RNF175: variants seen among roughly 807,000 people sequenced by gnomAD.
The protein encoded by RNF175 is ring finger protein 175.
A neutral mutation model predicts 50.0 loss-of-function variants in RNF175; 38 were observed. The observed-to-expected ratio is 0.76, with a 90% CI of 0.59 to 1.00. The LOEUF is 1.00. RNF175 is among the 50% of genes least tolerant of loss of function. The pLI is 0.00. For missense variants in RNF175, 388 were observed against 409.6 expected, an observed-to-expected ratio of 0.95 and a Z score of 0.46; for synonymous variants, 155 against 146.1, an observed-to-expected ratio of 1.06 and a Z score of -0.44.
At chr4:153,720,555 G>A (rs1738274598) in intron 5 of RNF175, 3 of 383,306 alleles carry the variant, frequency 7.8e-6, no homozygotes, top group Non-Finnish European at 1.5e-5. Context: ...TAGGACTGCA[G>A]TGCCTAGACA....
At position 153,710,250 on chromosome 4, in the gene RNF175, A is replaced by G. The variant is rs907527636; in HGVS notation, c.*119T>C. 3.9e-6 allele frequency: 3 copies of G among 763,746 alleles called. No homozygotes were observed. In the African/African-American group the frequency reaches 5.2e-5, roughly 13 times the overall value. 47.3% of individuals were successfully genotyped at this position (763,746 alleles called of 1,614,324 possible). A position where few individuals can be genotyped will look rare whatever the true frequency, so the allele number is the denominator to read the frequency against. ...TTTCCACATGGACAAATTGCTTGAC[A>G]ACAAAGTTTACTTAGTTTTCTAAAC... On this transcript the variant is annotated 3_prime_UTR_variant, in exon 9 of 9. Coordinates refer to ENST00000347063, the MANE Select transcript of RNF175 (RefSeq NM_173662.4).
At chr4:153,722,351 G>A (rs1869947) in intron 5 of RNF175, among the ~76,000 whole-genome samples, 130,939 of 152,220 alleles carry the variant, frequency 0.86, 57,542 homozygotes, top group Non-Finnish European at 0.95. Context: ...GCTGTTTTAT[G>A]CCTTTACTTG....
rs1208052208 is a variant in RNF175 at position 153,752,784 on chromosome 4, A to AG, written c.67-1310dup. ...ATATGTGAGGGGCAAAAAACTAATAAGCATATGTAAAAAGGGTTTTTATAA... is the reference window on the plus strand; with the variant it reads ...ATATGTGAGGGGCAAAAAACTAATAAGGCATATGTAAAAAGGGTTTTTATAA... On this transcript the variant is annotated intron_variant, in intron 1 of 8. Transcript: ENST00000347063. Among the ~76,000 whole-genome samples the AG allele has an allele frequency of 2.0e-5, 3 of 152,336 alleles. No individual in the cohort carries two copies. The East Asian group carries it at 5.8e-4, about 29-fold the overall frequency.
intron 3 of RNF175, among the ~76,000 whole-genome samples, chr4:153,732,475 C>G (rs955424452): frequency 2.0e-5 from 3 of 152,142 alleles, no homozygotes; most frequent in Non-Finnish European, 2.9e-5. Flanking sequence ...TTTGAGCAGA[C>G]ACAATGCTTT....
At chr4:153,733,612 G>A (rs2606330) in intron 3 of RNF175, among the ~76,000 whole-genome samples, 148,760 of 152,240 alleles carry the variant, frequency 0.98, 72,783 homozygotes, top group East Asian at 1. Context: ...TAAAGAGGGG[G>A]CGATACTTTT....
intron 1 of RNF175, 50 bp from the exon 2 acceptor site, chr4:153,751,525 G>C: frequency 2.9e-6 from 4 of 1,392,908 alleles, no homozygotes; most frequent in Non-Finnish European, 3.9e-6. Context: ...TATTTTCTTG[G>C]TTTTTCTGTG....
At chr4:153,746,673 G>A (rs1739992341) in intron 3 of RNF175, among the ~76,000 whole-genome samples, 1 of 152,210 alleles carries the variant, frequency 6.6e-6, no homozygotes, top group South Asian at 2.1e-4. Context: ...TCTGGGACTT[G>A]GGGGCATCCC....
intron 3 of RNF175, among the ~76,000 whole-genome samples, chr4:153,739,098 T>C (rs540074542): frequency 7.4e-4 from 113 of 152,318 alleles, no homozygotes; most frequent in African/African-American, 2.7e-3. Context: ...CTATGTTTAC[T>C]TTGAACAATT....
At chr4:153,748,263 G>A (rs1203479935) in intron 3 of RNF175, 1 of 161,950 alleles carries the variant, frequency 6.2e-6, no homozygotes, top group Non-Finnish European at 1.3e-5. Flanking sequence ...GGCAGAAGTT[G>A]TTCATGCATG....
At chr4:153,744,104 C>A (rs1739834919) in intron 3 of RNF175, among the ~76,000 whole-genome samples, 1 of 152,166 alleles carries the variant, frequency 6.6e-6, no homozygotes, top group Non-Finnish European at 1.5e-5. Flanking sequence ...CAAGGATGGT[C>A]TTTGTGCATA....
intron 3 of RNF175, among the ~76,000 whole-genome samples, chr4:153,734,665 C>CTTTTTTTTTTTTTTTTTTTT (rs56211482): frequency 5.5e-5 from 4 of 73,182 alleles, no homozygotes; most frequent in African/African-American, 8.3e-5. Flanking sequence ...TTTTTTTATT[C>CTTTTTTTTTTTTTTTTTTTT]TTTTTTTTTT....
intron 4 of RNF175, among the ~76,000 whole-genome samples, chr4:153,724,871 T>C (rs1006943487): frequency 6.6e-6 from 1 of 150,916 alleles, no homozygotes; most frequent in Non-Finnish European, 1.5e-5. Flanking sequence ...CCACCAGGTG[T>C]GATCCTGCCC....
rs373499376 is a variant in RNF175 at position 153,715,533 on chromosome 4, G to A, written c.760C>T (p.His254Tyr). The A allele has an allele frequency of 5.7e-6, 9 of 1,590,780 alleles. No individual in the cohort carries two copies. The highest frequency in any genetic ancestry group is 6.8e-6 in the Non-Finnish European group (8 of 1,168,044). The change falls in exon 7 of 9, where the codon CAT (histidine) becomes TAT (tyrosine). Residue 254 changes from histidine (H) to tyrosine (Y), a missense_variant. Transcript: ENST00000347063. ...IENTYQLSCN[H>Y]VFHEFCIRGW... ...AATTTCCTTTGAAAAGGATACACATGATTACAGGAAAGCTGGTAGGTGTTT... is the reference window on the plus strand; with the variant it reads ...AATTTCCTTTGAAAAGGATACACATAATTACAGGAAAGCTGGTAGGTGTTT...
At chr4:153,756,667 C>T (rs1203982313) in intron 1 of RNF175, among the ~76,000 whole-genome samples, 3 of 152,198 alleles carry the variant, frequency 2.0e-5, no homozygotes, top group African/African-American at 7.2e-5. Context: ...GGGTTAAGAG[C>T]TGGCATTCAA....
At chr4:153,728,475 G>A in intron 3 of RNF175, 114 bp from the exon 4 acceptor site, 1 of 813,856 alleles carries the variant, frequency 1.2e-6, no homozygotes, top group Non-Finnish European at 2.0e-6. Flanking sequence ...CATCATGTCT[G>A]TACCATGCAA....
chr4:153,748,226 T>G (rs1352494868), intron 3 of RNF175, among the ~76,000 whole-genome samples: 2 of 152,232 alleles, frequency 1.3e-5, no homozygotes, highest in Non-Finnish European at 2.9e-5. Flanking sequence ...CTTTTGGCTA[T>G]TCTAATCCTC....
chr4:153,719,138 T>C (rs1346594682), intron 6 of RNF175, among the ~76,000 whole-genome samples: 1 of 152,072 alleles, frequency 6.6e-6, no homozygotes, highest in African/African-American at 2.4e-5. Context: ...CCAGTGTGTG[T>C]TGTTCCCCTC....
chr4:153,739,734 A>G (rs1739548083), intron 3 of RNF175, among the ~76,000 whole-genome samples: 1 of 151,702 alleles, frequency 6.6e-6, no homozygotes, highest in African/African-American at 2.4e-5. Context: ...TCTTGTTTGC[A>G]TAGTTTGTTT....
At chr4:153,735,441 A>G (rs182165673) in intron 3 of RNF175, among the ~76,000 whole-genome samples, 1 of 152,182 alleles carries the variant, frequency 6.6e-6, no homozygotes, top group African/African-American at 2.4e-5. Flanking sequence ...GCTTTACAGT[A>G]AGTCTTGAAA....
Sources: allele counts gnomAD v4.1 joint callset (sites outside exome capture counted in the v4.1 genomes callset), GRCh38; gene constraint gnomAD v4.1.1; transcripts MANE v1.5; gene names NCBI Gene and HGNC (gene_info 2026-07-23, HGNC 2026-07-21).